Variants in UGDH observed in about 807,000 individuals in gnomAD.
The protein encoded by UGDH is UDP-Glc dehydrogenase.
UGDH carries 38 observed loss-of-function variants against 50.6 expected under a neutral mutation model. The observed-to-expected ratio is 0.75, with a 90% CI of 0.58 to 0.98. UGDH has a LOEUF of 0.98. Ranked by LOEUF, UGDH falls within the 50% of genes least tolerant of loss-of-function variation. The pLI is 0.00. For missense variants in UGDH, 465 were observed against 606.2 expected (o/e 0.77, Z 2.45); for synonymous variants, 168 against 199.9 (o/e 0.84, Z 1.35).
At chr4:39,508,701 C>G (rs754570374) in intron 6 of UGDH, 41 bp from the exon 7 acceptor site, 3 of 1,536,882 alleles carry the variant, frequency 2.0e-6, no homozygotes, top group South Asian at 2.4e-5. Flanking sequence ...CATGTAAGAA[C>G]GAGAAAACTC....
chr4:39,525,372 T>A (rs1746832867), intron 1 of UGDH, among the ~76,000 whole-genome samples: 1 of 151,448 alleles, frequency 6.6e-6, no homozygotes, highest in Non-Finnish European at 1.5e-5. Flanking sequence ...TTTTATATAT[T>A]TAGTAGAGAC....
At position 39,510,653 on chromosome 4, in the gene UGDH, T is replaced by A; in HGVS notation, c.465+8A>T. ...AATAACCAGATTCTAATGCTTCATT[T>A]TTTATACCTGTAAATTCAAGTTGGG... is the stretch of plus-strand genomic sequence containing the variant. On this transcript the variant is annotated splice_region_variant and intron_variant, in intron 4 of 11. Transcript: ENST00000316423. 3 of 1,614,234 alleles carry A rather than the reference T, an allele frequency of 1.9e-6. No homozygotes were observed. Among genetic ancestry groups the A allele is most frequent in the Non-Finnish European group, 2.5e-6 (3 of 1,180,042 alleles).
chr4:39,505,240 G>A lies in UGDH; in HGVS notation c.1168C>T (p.Gln390Ter). 6.3e-7 allele frequency: 1 copy of A among 1,586,964 alleles called. No individual in the cohort carries two copies. Among genetic ancestry groups the A allele is most frequent in the Non-Finnish European group, 8.5e-7 (1 of 1,171,580 alleles). ...TTCATGAGACTCAAAGCCTTACCTT[G>A]GTCATCCTCTGAAACACCTGGATGA... is the stretch of plus-strand genomic sequence containing the variant. ...LSHPGVSEDD[Q>*]VSRLVTISKD... The change falls in exon 9 of 12, where the codon CAA becomes TAA. Residue 390 changes from glutamine (Q) to a stop codon, truncating the protein, a stop_gained. Transcript: ENST00000316423. LOFTEE classifies it high-confidence loss of function.
intron 11 of UGDH, among the ~76,000 whole-genome samples, 165 bp downstream of exon 11, chr4:39,503,710 A>C (rs909410386): frequency 4.6e-5 from 7 of 152,218 alleles, no homozygotes; most frequent in Non-Finnish European, 8.8e-5. Context: ...TGGTTCCCCA[A>C]AAGAACTTCC....
At chr4:39,524,503 C>CTT (rs760533156) in intron 1 of UGDH, among the ~76,000 whole-genome samples, 10 of 144,702 alleles carry the variant, frequency 6.9e-5, no homozygotes, top group Non-Finnish European at 7.6e-5. Flanking sequence ...ATACTATCAA[C>CTT]TTTTTTTTTT....
intron 2 of UGDH, among the ~76,000 whole-genome samples, chr4:39,515,795 G>A (rs2109937203): frequency 6.6e-6 from 1 of 152,260 alleles, no homozygotes; most frequent in East Asian, 1.9e-4. Context: ...CACCTACCAG[G>A]TTCAAGTGAT....
intron 7 of UGDH, among the ~76,000 whole-genome samples, chr4:39,508,087 C>T (rs1560688098): frequency 6.6e-6 from 1 of 151,924 alleles, no homozygotes; most frequent in Non-Finnish European, 1.5e-5. Context: ...AACACAGATA[C>T]CCAATAAATA....
chr4:39,508,477 T>G, intron 7 of UGDH, 89 bp downstream of exon 7: 1 of 1,296,060 alleles, frequency 7.7e-7, no homozygotes, highest in Non-Finnish European at 1.1e-6. Context: ...CAAGTGATGC[T>G]CTTGCCTTGG....
intron 2 of UGDH, among the ~76,000 whole-genome samples, chr4:39,520,683 TTAA>T (rs1338163305): frequency 9.2e-5 from 14 of 151,604 alleles, no homozygotes; most frequent in African/African-American, 3.1e-4. Context: ...TAAATTTATA[TTAA>T]TATTATTAAA....
At chr4:39,525,087 A>G (rs1349492789) in intron 1 of UGDH, among the ~76,000 whole-genome samples, 1 of 152,264 alleles carries the variant, frequency 6.6e-6, no homozygotes, top group Non-Finnish European at 1.5e-5. Context: ...GTCCAAATAA[A>G]TGCTCACTTG....
chr4:39,527,285 A>C lies in UGDH; in HGVS notation c.-10T>G. 2.5e-6 allele frequency: 1 copy of C among 394,036 alleles called. No homozygotes were observed. The highest frequency in any genetic ancestry group is 4.6e-6 in the Non-Finnish European group (1 of 215,068). 24.4% of individuals were successfully genotyped at this position (394,036 alleles called of 1,614,324 possible). On this transcript the variant is annotated splice_region_variant and 5_prime_UTR_variant, in exon 1 of 12. Coordinates refer to ENST00000316423, the MANE Select transcript of UGDH (RefSeq NM_003359.4). ...GCCAGCCTGGGAGCGGCGCTTACCC[A>C]CTTCCCAGCAGCAAGCGCAGGGACC...
In UGDH at chr4:39,499,378, C is replaced by G. The variant is rs1053610554; in HGVS notation, c.*765G>C. The G allele has an allele frequency of 5.9e-5, 9 of 152,120 alleles. No homozygotes were observed. The highest frequency in any genetic ancestry group is 2.0e-4 in the Admixed American group (3 of 15,276). 9.4% of individuals were successfully genotyped at this position (152,120 alleles called of 1,614,324 possible). A position where few individuals can be genotyped will look rare whatever the true frequency, so the allele number is the denominator to read the frequency against. On this transcript the variant is annotated 3_prime_UTR_variant, in exon 12 of 12. Transcript: ENST00000316423. ...AACAAAAGGAACAAAGGAACTTTAACCAGACCATACATGTAAAGGCTGTTT... is the reference window on the plus strand; with the variant it reads ...AACAAAAGGAACAAAGGAACTTTAAGCAGACCATACATGTAAAGGCTGTTT...
chr4:39,521,539 A>G lies in UGDH; in HGVS notation c.-7-20T>C. 1 of 1,539,072 alleles carries G rather than the reference A, an allele frequency of 6.5e-7. No individual in the cohort carries two copies. Among genetic ancestry groups the G allele is most frequent in the Non-Finnish European group, 8.8e-7 (1 of 1,142,340 alleles). ...ATTGTACTAGAAGGAAAACAGTAAG[A>G]CTGTTCTAGTATTGAAAACAGAAAA... is the stretch of plus-strand genomic sequence containing the variant. On this transcript the variant is annotated intron_variant, in intron 1 of 11. Coordinates refer to ENST00000316423, the MANE Select transcript of UGDH (RefSeq NM_003359.4).
At chr4:39,525,868 T>C (rs1746867919) in intron 1 of UGDH, among the ~76,000 whole-genome samples, 1 of 152,234 alleles carries the variant, frequency 6.6e-6, no homozygotes, top group South Asian at 2.1e-4. Context: ...GTCAGAGACA[T>C]AGGAGTGTTT....
intron 2 of UGDH, among the ~76,000 whole-genome samples, chr4:39,520,032 T>C (rs1477883737): frequency 6.6e-6 from 1 of 152,090 alleles, no homozygotes; most frequent in Non-Finnish European, 1.5e-5. Context: ...CTATGGTTGA[T>C]AATAGTCATA....
chr4:39,517,310 C>T (rs1746476020), intron 2 of UGDH, among the ~76,000 whole-genome samples: 1 of 151,352 alleles, frequency 6.6e-6, no homozygotes, highest in Middle Eastern at 3.4e-3. Context: ...TCAAGCGATT[C>T]TCCTGCCTCA....
Position 39,517,678 on chromosome 4 carries a change from G to A in UGDH, c.163-3494C>T, listed in dbSNP as rs1746487694. 2.0e-5 allele frequency among the ~76,000 whole-genome samples: 3 copies of A among 152,158 alleles called. No homozygotes were observed. In the South Asian group the frequency reaches 6.2e-4, roughly 32 times the overall value. ...CATTAACAGTAAGTCAAAGCCCACT[G>A]TATGCCCTCTCCTAGTCACTACTAT... On this transcript the variant is annotated intron_variant, in intron 2 of 11. Coordinates refer to ENST00000316423, the MANE Select transcript of UGDH (RefSeq NM_003359.4).
chr4:39,516,210 G>A (rs929881208), intron 2 of UGDH, among the ~76,000 whole-genome samples: 3 of 152,154 alleles, frequency 2.0e-5, no homozygotes, highest in African/African-American at 7.2e-5. Flanking sequence ...CCTGAGCCCA[G>A]GAGGCGGAGG....
At chr4:39,525,218 C>T (rs890897055) in intron 1 of UGDH, among the ~76,000 whole-genome samples, 10 of 152,208 alleles carry the variant, frequency 6.6e-5, no homozygotes, top group Non-Finnish European at 1.3e-4. Flanking sequence ...CTTTTTGAGA[C>T]GGAGTCTCAC....
Sources: gnomAD v4.1 joint callset for allele counts (sites outside exome capture counted in the v4.1 genomes callset) on GRCh38, gnomAD v4.1.1 for gene constraint, MANE v1.5 for transcripts, NCBI Gene and HGNC (gene_info 2026-07-23, HGNC 2026-07-21) for gene names.